The following SRPK1 variants were observed in gnomAD, a reference collection of about 807,000 sequenced individuals.
SRPK1 encodes SRSF protein kinase 1, also known as SFRS protein kinase 1.
A neutral mutation model predicts 89.5 loss-of-function variants in SRPK1; 52 were observed. The ratio of observed to expected loss-of-function variants is 0.58; its 90% confidence interval spans 0.46 to 0.73. The LOEUF (loss-of-function observed/expected upper bound fraction) is 0.73. Ranked by LOEUF, SRPK1 falls within the 30% of genes least tolerant of loss-of-function variation. SRPK1 has a pLI of 0.00. For synonymous variants in SRPK1, 255 were observed against 270.2 expected, an observed-to-expected ratio of 0.94 and a Z score of 0.55; for missense variants, 603 against 780.6, an observed-to-expected ratio of 0.77 and a Z score of 2.71.
At chr6:35,873,492 CT>C (rs141573769) in intron 7 of SRPK1, among the ~76,000 whole-genome samples, 4,421 of 147,216 alleles carry the variant, frequency 0.03, 207 homozygotes, top group African/African-American at 0.1. Context: ...TAGCAATTAA[CT>C]TTTTTTTTTT....
intron 2 of SRPK1, among the ~76,000 whole-genome samples, chr6:35,915,266 G>C (rs1386924604): frequency 1.3e-5 from 2 of 151,944 alleles, no homozygotes; most frequent in Admixed American, 1.3e-4. Context: ...AATTAGCCAG[G>C]CATGGTGGCG....
chr6:35,898,675 T>C (rs1296588146), intron 2 of SRPK1, among the ~76,000 whole-genome samples: 1 of 152,066 alleles, frequency 6.6e-6, no homozygotes, highest in East Asian at 1.9e-4. Flanking sequence ...GAGGTGGCAG[T>C]GAGCCGAGAT....
intron 6 of SRPK1, among the ~76,000 whole-genome samples, chr6:35,880,959 C>T (rs1770275246): frequency 6.6e-6 from 1 of 151,892 alleles, no homozygotes; most frequent in South Asian, 2.1e-4. Flanking sequence ...AAGAGTGACT[C>T]TTCACATACA....
At chr6:35,913,226 C>T (rs184116807) in intron 2 of SRPK1, among the ~76,000 whole-genome samples, 79 of 152,296 alleles carry the variant, frequency 5.2e-4, no homozygotes, top group African/African-American at 1.8e-3. Flanking sequence ...ATAAAACTTA[C>T]TAACCAATGA....
intron 2 of SRPK1, among the ~76,000 whole-genome samples, chr6:35,915,088 G>T (rs1013463153): frequency 2.0e-5 from 3 of 152,264 alleles, no homozygotes; most frequent in African/African-American, 7.2e-5. Flanking sequence ...GAGCCACTGT[G>T]CCCGGCCAAA....
At chr6:35,854,622 C>G (rs1769629042) in intron 13 of SRPK1, among the ~76,000 whole-genome samples, 3 of 152,140 alleles carry the variant, frequency 2.0e-5, no homozygotes, top group Non-Finnish European at 4.4e-5. Flanking sequence ...ACGCCTTTAT[C>G]TTTCAGCCTT....
intron 2 of SRPK1, among the ~76,000 whole-genome samples, chr6:35,909,613 C>T (rs1460924907): frequency 1.3e-5 from 2 of 152,214 alleles, no homozygotes; most frequent in African/African-American, 4.8e-5. Flanking sequence ...CAGTTTGGCT[C>T]TGTGTCCCCA....
intron 14 of SRPK1, among the ~76,000 whole-genome samples, chr6:35,839,937 C>T (rs1561964928): frequency 2.6e-5 from 4 of 152,030 alleles, no homozygotes; most frequent in Admixed American, 1.3e-4. Flanking sequence ...CTTGGCCTCC[C>T]AAAATGCTGG....
At chr6:35,920,582 A>T in intron 1 of SRPK1, 54 bp from the exon 2 acceptor site, 2 of 1,577,974 alleles carry the variant, frequency 1.3e-6, no homozygotes, top group Non-Finnish European at 1.7e-6. Flanking sequence ...GAGGCGACCA[A>T]GGTGAGGGTG....
intron 2 of SRPK1, among the ~76,000 whole-genome samples, chr6:35,913,207 C>T (rs1010668366): frequency 1.3e-5 from 2 of 152,080 alleles, no homozygotes; most frequent in Non-Finnish European, 2.9e-5. Flanking sequence ...AGTAGAAACA[C>T]TAATGTAAAT....
chr6:35,916,727 T>G lies in SRPK1; in HGVS notation c.74+3741A>C, dbSNP rs188418664. Among the ~76,000 whole-genome samples, 326 of 152,246 alleles carry G rather than the reference T, an allele frequency of 2.1e-3. 1 individual carries two copies. The highest frequency in any genetic ancestry group is 7.4e-3 in the African/African-American group (308 of 41,528). Reference sequence around the variant, plus strand: ...AGTAATAAAATCAGTAAGTATGAAATCCATTCTGGAATTATGTTCCATAGA... The same window carrying G: ...AGTAATAAAATCAGTAAGTATGAAAGCCATTCTGGAATTATGTTCCATAGA... On this transcript the variant is annotated intron_variant, in intron 2 of 15. Transcript: ENST00000373825.
intron 13 of SRPK1, among the ~76,000 whole-genome samples, chr6:35,848,215 C>T (rs1432801291): frequency 1.3e-5 from 2 of 152,160 alleles, no homozygotes; most frequent in Non-Finnish European, 2.9e-5. Context: ...CTAAAATTCA[C>T]ATGGAATCAC....
chr6:35,836,366 C>T (rs981137005), intron 15 of SRPK1, among the ~76,000 whole-genome samples: 5 of 152,098 alleles, frequency 3.3e-5, no homozygotes, highest in African/African-American at 1.2e-4. Flanking sequence ...CGCTGCTCTA[C>T]ACTATACTGG....
intron 2 of SRPK1, among the ~76,000 whole-genome samples, chr6:35,898,723 C>T (rs926812957): frequency 6.6e-6 from 1 of 151,908 alleles, no homozygotes; most frequent in East Asian, 1.9e-4. Context: ...CAGAACGAGA[C>T]TCCATCTCAA....
At chr6:35,846,168 T>C (rs1769421791) in intron 13 of SRPK1, among the ~76,000 whole-genome samples, 1 of 152,052 alleles carries the variant, frequency 6.6e-6, no homozygotes, top group South Asian at 2.1e-4. Flanking sequence ...CTTACACCTG[T>C]AGTCCCAGCA....
At chr6:35,897,824 T>A (rs986563042) in intron 2 of SRPK1, among the ~76,000 whole-genome samples, 5 of 152,186 alleles carry the variant, frequency 3.3e-5, no homozygotes, top group Admixed American at 3.3e-4. Context: ...TAGCTTTTAT[T>A]TAAAAAGGCT....
chr6:35,889,649 T>C lies in SRPK1; in HGVS notation c.194-726A>G, dbSNP rs148687429. ...AAAATACAAAAATTGGCCAGTGTCA[T>C]GGTGCATGCCTGTAGTCCCAGCTAC... On this transcript the variant is annotated intron_variant, in intron 3 of 15. Transcript: ENST00000373825. Among the ~76,000 whole-genome samples the C allele has an allele frequency of 2.6e-3, 401 of 152,084 alleles. 3 individuals are homozygous for C. The highest frequency in any genetic ancestry group is 8.5e-3 in the African/African-American group (352 of 41,484).
At chr6:35,847,233 G>A (rs144654498) in intron 13 of SRPK1, among the ~76,000 whole-genome samples, 165 of 152,350 alleles carry the variant, frequency 1.1e-3, no homozygotes, top group Non-Finnish European at 1.9e-4. Flanking sequence ...GCAAGATGGA[G>A]TCTTGCTCTG....
intron 7 of SRPK1, 79 bp downstream of exon 7, chr6:35,874,154 T>TA: frequency 8.2e-7 from 1 of 1,217,242 alleles, no homozygotes; most frequent in Non-Finnish European, 1.2e-6. Context: ...TTGGAAAAAA[T>TA]AAAGTCCTGA....
Sources: gnomAD v4.1 joint callset for allele counts (sites outside exome capture counted in the v4.1 genomes callset) on GRCh38, gnomAD v4.1.1 for gene constraint, MANE v1.5 for transcripts, NCBI Gene and HGNC (gene_info 2026-07-23, HGNC 2026-07-21) for gene names.